Variants in PHACTR3 observed in about 807,000 individuals in gnomAD.
PHACTR3 encodes the protein protein phosphatase 1, regulatory subunit 123.
PHACTR3 carries 16 observed loss-of-function variants against 66.8 expected under a neutral mutation model. The ratio of observed to expected loss-of-function variants is 0.24; its 90% CI spans 0.16 to 0.36. The LOEUF is 0.36. Ranked by LOEUF, PHACTR3 falls within the 10% of genes least tolerant of loss-of-function variation. The pLI is 1.00. For missense variants in PHACTR3, 647 were observed against 719.9 expected (o/e 0.90, Z 1.16); for synonymous variants, 323 against 292.1 (o/e 1.11, Z -1.08).
At chr20:59,703,533 C>T (rs1404141011) in intron 1 of PHACTR3, among the ~76,000 whole-genome samples, 1 of 152,096 alleles carries the variant, frequency 6.6e-6, no homozygotes, top group Non-Finnish European at 1.5e-5. Context: ...GGTTTGTGTT[C>T]TGTGTAGAAA....
chr20:59,611,960 T>A (rs925258435), intron 1 of PHACTR3, among the ~76,000 whole-genome samples: 1 of 152,134 alleles, frequency 6.6e-6, no homozygotes, highest in Admixed American at 6.5e-5. Context: ...TAGGGGAGGG[T>A]GGCTGTCTGG....
At chr20:59,841,269 T>C (rs2059055626) in intron 10 of PHACTR3, 126 bp from the exon 11 acceptor site, 1 of 924,208 alleles carries the variant, frequency 1.1e-6, no homozygotes. Flanking sequence ...GTATTTGGGT[T>C]ATATTTTCCA....
intron 5 of PHACTR3, among the ~76,000 whole-genome samples, chr20:59,772,039 A>G (rs1301772734): frequency 6.6e-6 from 1 of 152,232 alleles, no homozygotes; most frequent in African/African-American, 2.4e-5. Flanking sequence ...TAGGCTCCTG[A>G]AAAGGAGCTG....
chr20:59,717,145 G>A (rs951771679), intron 1 of PHACTR3, among the ~76,000 whole-genome samples: 2 of 152,110 alleles, frequency 1.3e-5, no homozygotes, highest in African/African-American at 4.8e-5. Flanking sequence ...AACACAAACA[G>A]TACATAAAAA....
intron 1 of PHACTR3, among the ~76,000 whole-genome samples, chr20:59,618,227 C>T (rs1407771511): frequency 6.6e-6 from 1 of 152,106 alleles, no homozygotes; most frequent in Non-Finnish European, 1.5e-5. Context: ...CGGGATGGGG[C>T]TGCAGGGGAG....
chr20:59,796,887 A>G (rs1362193109), intron 7 of PHACTR3, among the ~76,000 whole-genome samples: 1 of 152,206 alleles, frequency 6.6e-6, no homozygotes, highest in Non-Finnish European at 1.5e-5. Flanking sequence ...CTGGATGTCC[A>G]TCTCTCTGCC....
At chr20:59,798,488 AGTGT>A (rs1269535309) in intron 7 of PHACTR3, among the ~76,000 whole-genome samples, 3 of 152,182 alleles carry the variant, frequency 2.0e-5, no homozygotes, top group Admixed American at 1.3e-4. Flanking sequence ...CTGAGACTGC[AGTGT>A]GTATGTGCAT....
At chr20:59,709,729 C>T (rs553142078) in intron 1 of PHACTR3, among the ~76,000 whole-genome samples, 12 of 152,050 alleles carry the variant, frequency 7.9e-5, no homozygotes, top group Non-Finnish European at 1.6e-4. Context: ...CCTTGAGCCT[C>T]CCCTTTGTCC....
chr20:59,651,899 A>G (rs912896464), intron 1 of PHACTR3, among the ~76,000 whole-genome samples: 1 of 152,144 alleles, frequency 6.6e-6, no homozygotes, highest in Non-Finnish European at 1.5e-5. Flanking sequence ...ATAGATATGG[A>G]GATACATACA....
chr20:59,721,806 C>T (rs1169058587), intron 1 of PHACTR3, among the ~76,000 whole-genome samples: 4 of 152,142 alleles, frequency 2.6e-5, no homozygotes, highest in Admixed American at 1.3e-4. Flanking sequence ...TGTATTGAGC[C>T]CCTGCTGCTC....
At chr20:59,724,056 A>G (rs2038457876) in intron 1 of PHACTR3, among the ~76,000 whole-genome samples, 1 of 152,104 alleles carries the variant, frequency 6.6e-6, no homozygotes, top group South Asian at 2.1e-4. Context: ...TCACATGGTC[A>G]CACCTGACCT....
At chr20:59,763,160 C>T (rs1176262724) in intron 4 of PHACTR3, among the ~76,000 whole-genome samples, 2 of 152,190 alleles carry the variant, frequency 1.3e-5, no homozygotes, top group Non-Finnish European at 2.9e-5. Flanking sequence ...ATAGTGAGTT[C>T]TCACAAGATC....
At chr20:59,750,145 G>C (rs765931316) in intron 3 of PHACTR3, among the ~76,000 whole-genome samples, 1 of 151,748 alleles carries the variant, frequency 6.6e-6, no homozygotes, top group Non-Finnish European at 1.5e-5. Context: ...ACAAAAAGCC[G>C]GCAACTCACG....
chr20:59,591,990 A>C (rs2033195628), intron 1 of PHACTR3, among the ~76,000 whole-genome samples: 1 of 152,052 alleles, frequency 6.6e-6, no homozygotes, highest in African/African-American at 2.4e-5. Flanking sequence ...GTTGCCTCTG[A>C]ATCCTTCTGG....
Position 59,774,184 on chromosome 20 carries a change from C to T in PHACTR3, c.927-59C>T, listed in dbSNP as rs535197221. On this transcript the variant is annotated intron_variant, in intron 6 of 12. Coordinates refer to ENST00000371015, the MANE Select transcript of PHACTR3 (RefSeq NM_080672.5). ...ATTCATTATAAGCTCCAAAGTCAAT[C>T]GTGCTGGGTTTCTGGGTGAAGGGGG... 1.9e-5 allele frequency: 29 copies of T among 1,517,788 alleles called. No homozygotes were observed. In the African/African-American group the frequency reaches 2.2e-4, roughly 12 times the overall value. 94.0% of individuals were successfully genotyped at this position (1,517,788 alleles called of 1,614,324 possible).
chr20:59,750,776 G>T lies in PHACTR3; in HGVS notation c.358+2941G>T, dbSNP rs180800666. On this transcript the variant is annotated intron_variant, in intron 3 of 12. Coordinates refer to ENST00000371015, the MANE Select transcript of PHACTR3 (RefSeq NM_080672.5). The stretch of plus-strand genomic sequence containing the variant: ...GGGAGGGGACTTGGACTTGCTTTTC[G>T]CAGTCGACTCTTCTGTGCTGCTTGA... Among the ~76,000 whole-genome samples the T allele has an allele frequency of 1.2e-3, 178 of 152,290 alleles. 1 individual carries two copies. Among genetic ancestry groups the T allele is most frequent in the African/African-American group, 3.8e-3 (159 of 41,574 alleles).
chr20:59,755,968 G>A (rs1323569321), intron 4 of PHACTR3, among the ~76,000 whole-genome samples: 1 of 152,162 alleles, frequency 6.6e-6, no homozygotes, highest in Admixed American at 6.5e-5. Flanking sequence ...GAAAAGTAAT[G>A]GACCTACATC....
intron 8 of PHACTR3, among the ~76,000 whole-genome samples, chr20:59,816,553 T>C (rs1383910215): frequency 6.6e-6 from 1 of 152,214 alleles, no homozygotes; most frequent in African/African-American, 2.4e-5. Flanking sequence ...CCTTAGCCTA[T>C]TTCACAACTC....
chr20:59,644,069 T>A (rs1447972249), intron 1 of PHACTR3, among the ~76,000 whole-genome samples: 1 of 152,134 alleles, frequency 6.6e-6, no homozygotes, highest in Non-Finnish European at 1.5e-5. Flanking sequence ...GACTTGCCAA[T>A]ACACACTGAG....
Sources: allele counts gnomAD v4.1 joint callset (sites outside exome capture counted in the v4.1 genomes callset), GRCh38; gene constraint gnomAD v4.1.1; transcripts MANE v1.5; gene names NCBI Gene and HGNC (gene_info 2026-07-23, HGNC 2026-07-21).